The following GRID2 variants were observed in gnomAD, a reference collection of about 807,000 sequenced individuals.
GRID2 encodes glutamate ionotropic receptor delta type subunit 2.
In GRID2, 33 loss-of-function variants were observed where a neutral mutation model predicts 114.8. The observed-to-expected ratio is 0.29, with a 90% confidence interval of 0.22 to 0.38. GRID2 has a LOEUF of 0.38. Among genes scored for constraint, GRID2 ranks in the 10% least tolerant of loss-of-function variants. The probability of loss-of-function intolerance (pLI) is 1.00; values close to 1 mark genes in which losing one functional copy is unlikely to be tolerated. For synonymous variants in GRID2, 505 were observed against 449.9 expected, an observed-to-expected ratio of 1.12 and a Z score of -1.55; for missense variants, 1,184 against 1,257.7, an observed-to-expected ratio of 0.94 and a Z score of 0.89.
At chr4:92,860,128 A>T (rs1744433998) in intron 2 of GRID2, among the ~76,000 whole-genome samples, 1 of 152,118 alleles carries the variant, frequency 6.6e-6, no homozygotes, top group Admixed American at 6.6e-5. Flanking sequence ...GGCCCAGAGA[A>T]GTTAATTTTT....
At chr4:93,359,600 C>G (rs146481534) in intron 8 of GRID2, among the ~76,000 whole-genome samples, 1 of 151,394 alleles carries the variant, frequency 6.6e-6, no homozygotes, top group African/African-American at 2.4e-5. Context: ...AACCATCCTT[C>G]TCTCTCTGTG....
intron 2 of GRID2, among the ~76,000 whole-genome samples, chr4:92,839,345 G>C (rs980613494): frequency 6.6e-6 from 1 of 150,476 alleles, no homozygotes; most frequent in African/African-American, 2.5e-5. Context: ...GTATACATGT[G>C]CCATGTTGGT....
intron 5 of GRID2, among the ~76,000 whole-genome samples, chr4:93,211,844 AT>A (rs1397261362): frequency 6.6e-6 from 1 of 152,182 alleles, no homozygotes; most frequent in Non-Finnish European, 1.5e-5. Context: ...CCATAAAAAA[AT>A]AAACAAAAAC....
intron 2 of GRID2, among the ~76,000 whole-genome samples, chr4:92,935,204 C>T (rs576651740): frequency 6.9e-6 from 1 of 145,952 alleles, no homozygotes; most frequent in African/African-American, 2.4e-5. Context: ...AAAAAACAAC[C>T]CCATCAAAAA....
intron 7 of GRID2, 101 bp from the exon 8 acceptor site, chr4:93,238,270 A>G (rs1747035873): frequency 2.6e-6 from 2 of 775,828 alleles, no homozygotes; most frequent in African/African-American, 1.8e-5. Context: ...TTTAAATATT[A>G]TTTTATAGAT....
chr4:93,754,007 G>A (rs1042688285), intron 14 of GRID2, among the ~76,000 whole-genome samples: 2 of 152,072 alleles, frequency 1.3e-5, no homozygotes, highest in African/African-American at 4.8e-5. Context: ...AAATCTAGAC[G>A]GTATAGCCTA....
chr4:93,447,675 CAAATT>C (rs1281412392), intron 10 of GRID2, among the ~76,000 whole-genome samples: 3 of 151,822 alleles, frequency 2.0e-5, no homozygotes, highest in Non-Finnish European at 2.9e-5. Flanking sequence ...TGTTTACAAA[CAAATT>C]AATAATGTTA....
At chr4:93,369,591 C>T (rs535640015) in intron 8 of GRID2, among the ~76,000 whole-genome samples, 4 of 152,056 alleles carry the variant, frequency 2.6e-5, no homozygotes, top group Admixed American at 1.3e-4. Context: ...CAGTTTCAAG[C>T]GATCTTTCCA....
chr4:93,105,648 C>T (rs1364242235), intron 3 of GRID2, among the ~76,000 whole-genome samples: 2 of 152,140 alleles, frequency 1.3e-5, no homozygotes, highest in East Asian at 1.9e-4. Context: ...CCTTTTCCAC[C>T]TTCTAGAAAC....
chr4:92,728,669 C>T (rs1455429678), intron 2 of GRID2, among the ~76,000 whole-genome samples: 1 of 151,796 alleles, frequency 6.6e-6, no homozygotes, highest in Non-Finnish European at 1.5e-5. Flanking sequence ...TAAGTCCAGC[C>T]CAAACTCAAG....
intron 14 of GRID2, among the ~76,000 whole-genome samples, chr4:93,721,710 A>C (rs2110195774): frequency 6.6e-6 from 1 of 152,200 alleles, no homozygotes; most frequent in Non-Finnish European, 1.5e-5. Flanking sequence ...TGCTGTTGTA[A>C]CTGTATACTT....
intron 1 of GRID2, among the ~76,000 whole-genome samples, chr4:92,349,996 ATGCAT>A (rs1042738541): frequency 6.6e-5 from 10 of 151,910 alleles, no homozygotes; most frequent in African/African-American, 2.4e-4. Context: ...GTTCTACTAT[ATGCAT>A]TTTGGGAAGG....
intron 2 of GRID2, among the ~76,000 whole-genome samples, chr4:92,628,374 T>C (rs945659221): frequency 7.9e-5 from 12 of 152,056 alleles, no homozygotes; most frequent in African/African-American, 2.9e-4. Flanking sequence ...TTGTTTTGTT[T>C]TGTTCTGTTC....
chr4:93,706,421 G>T (rs917798054), intron 14 of GRID2, among the ~76,000 whole-genome samples: 11 of 151,930 alleles, frequency 7.2e-5, no homozygotes, highest in Admixed American at 1.3e-4. Context: ...TTGTTTTACA[G>T]ATCTTTCACT....
Position 93,066,146 on chromosome 4 carries a change from C to T in GRID2, c.245-18849C>T, listed in dbSNP as rs1001281581. Among the ~76,000 whole-genome samples the T allele has an allele frequency of 4.6e-5, 7 of 151,850 alleles. No individual in the cohort carries two copies. The Admixed American group carries it at 4.6e-4, about 10-fold the overall frequency. ...TTTCAGAGCATACACATGTAACCAG[C>T]ACACCGGAGTTTAGATTATACACTG... On this transcript the variant is annotated intron_variant, in intron 2 of 15. Coordinates refer to ENST00000282020, the MANE Select transcript of GRID2 (RefSeq NM_001510.4).
At chr4:92,840,334 CAAGT>C (rs1398352362) in intron 2 of GRID2, among the ~76,000 whole-genome samples, 3 of 151,902 alleles carry the variant, frequency 2.0e-5, no homozygotes, top group Non-Finnish European at 4.4e-5. Flanking sequence ...TTATTATTGA[CAAGT>C]AAGAGCTTAA....
chr4:92,659,904 A>G (rs1732440387), intron 2 of GRID2, among the ~76,000 whole-genome samples: 2 of 151,654 alleles, frequency 1.3e-5, no homozygotes, highest in Admixed American at 6.6e-5. Context: ...TTCCTCGGAT[A>G]ACGTGCAATA....
rs1013187081 is a variant in GRID2, at chr4:92,932,306, T to C, written c.245-152689T>C. 2.0e-5 allele frequency among the ~76,000 whole-genome samples: 3 copies of C among 151,288 alleles called. 1 individual carries two copies. In the Admixed American group the frequency reaches 2.0e-4, roughly 10 times the overall value. On this transcript the variant is annotated intron_variant, in intron 2 of 15. Transcript: ENST00000282020. Reference sequence around the variant, plus strand: ...AAAATATGCTCAATGCTAATATCATTAGACAAATGCAAATTAAAACCACAA... The same window carrying C: ...AAAATATGCTCAATGCTAATATCATCAGACAAATGCAAATTAAAACCACAA...
At chr4:92,996,808 C>T (rs1755228613) in intron 2 of GRID2, among the ~76,000 whole-genome samples, 1 of 152,138 alleles carries the variant, frequency 6.6e-6, no homozygotes, top group African/African-American at 2.4e-5. Context: ...AGTCTAAATG[C>T]ATTGCTATAA....
Sources: allele counts gnomAD v4.1 joint callset (sites outside exome capture counted in the v4.1 genomes callset), GRCh38; gene constraint gnomAD v4.1.1; transcripts MANE v1.5; gene names NCBI Gene and HGNC (gene_info 2026-07-23, HGNC 2026-07-21).